Variants in FAM135B observed in about 807,000 individuals in gnomAD.
FAM135B encodes family with sequence similarity 135 member B.
Under a neutral mutation model 127.7 loss-of-function variants are expected in FAM135B, and 43 were observed. The ratio of observed to expected loss-of-function variants is 0.34; its 90% CI spans 0.26 to 0.43. The LOEUF (loss-of-function observed/expected upper bound fraction) is 0.43. FAM135B is among the 20% of genes least tolerant of loss of function. The pLI is 1.00. For missense variants in FAM135B, 1,558 were observed against 1,725.6 expected, an observed-to-expected ratio of 0.90 and a Z score of 1.72; for synonymous variants, 670 against 665.1, an observed-to-expected ratio of 1.01 and a Z score of -0.11.
At chr8:138,250,505 C>T (rs890608524) in intron 6 of FAM135B, among the ~76,000 whole-genome samples, 1 of 152,158 alleles carries the variant, frequency 6.6e-6, no homozygotes, top group African/African-American at 2.4e-5. Flanking sequence ...ATGGGACACA[C>T]ATTAGTGTTC....
chr8:138,357,425 T>C (rs1158628972), intron 2 of FAM135B, among the ~76,000 whole-genome samples: 2 of 152,100 alleles, frequency 1.3e-5, no homozygotes, highest in Admixed American at 6.6e-5. Flanking sequence ...AAACAGAGAG[T>C]AACTTATACA....
intron 7 of FAM135B, among the ~76,000 whole-genome samples, chr8:138,217,304 A>G (rs1275990487): frequency 6.6e-6 from 1 of 152,186 alleles, no homozygotes; most frequent in African/African-American, 2.4e-5. Flanking sequence ...ATAACTGAAA[A>G]AGTTCTTAGC....
chr8:138,426,061 A>ACG (rs1491392534), intron 1 of FAM135B, among the ~76,000 whole-genome samples: 1 of 21,236 alleles, frequency 4.7e-5, no homozygotes. Flanking sequence ...ATATATATAT[A>ACG]CACACACACA....
At chr8:138,306,249 A>T (rs1456481259) in intron 3 of FAM135B, among the ~76,000 whole-genome samples, 1 of 151,978 alleles carries the variant, frequency 6.6e-6, no homozygotes, top group Admixed American at 6.6e-5. Context: ...AGCCTGGCCA[A>T]CATGGTAAAA....
intron 2 of FAM135B, among the ~76,000 whole-genome samples, chr8:138,331,521 A>G (rs1024074280): frequency 2.0e-5 from 3 of 152,190 alleles, no homozygotes; most frequent in Admixed American, 2.0e-4. Context: ...CCGTACAGTA[A>G]AACAGTGGTG....
At chr8:138,254,051 A>C (rs1162149459) in intron 5 of FAM135B, among the ~76,000 whole-genome samples, 3 of 152,154 alleles carry the variant, frequency 2.0e-5, no homozygotes, top group African/African-American at 7.2e-5. Flanking sequence ...CTCACTTCCA[A>C]CTAGGAAGCC....
intron 1 of FAM135B, among the ~76,000 whole-genome samples, chr8:138,369,569 A>G (rs1409899078): frequency 6.6e-6 from 1 of 152,202 alleles, no homozygotes; most frequent in Non-Finnish European, 1.5e-5. Context: ...CAGAATTTCA[A>G]TCTGGCAAAC....
chr8:138,210,530 G>A (rs1348109844), intron 7 of FAM135B, among the ~76,000 whole-genome samples: 1 of 152,160 alleles, frequency 6.6e-6, no homozygotes, highest in African/African-American at 2.4e-5. Context: ...GGTGGAAGGT[G>A]AAGGGGAAGC....
chr8:138,441,260 T>TG (rs1181490755), intron 1 of FAM135B: 1 of 152,262 alleles, frequency 6.6e-6, no homozygotes, highest in Non-Finnish European at 1.5e-5. Context: ...AGTTTGTTTC[T>TG]GGGGTAGCCC....
At chr8:138,156,511 GT>G (rs71316325) in intron 12 of FAM135B, among the ~76,000 whole-genome samples, 50,245 of 151,730 alleles carry the variant, frequency 0.33, 9,206 homozygotes, top group East Asian at 0.53. Flanking sequence ...TCCAGGAGTT[GT>G]TTTTTTGAAA....
intron 3 of FAM135B, among the ~76,000 whole-genome samples, chr8:138,286,270 G>C (rs993670308): frequency 2.6e-5 from 4 of 152,240 alleles, no homozygotes; most frequent in African/African-American, 9.6e-5. Context: ...TTCAGAAGCA[G>C]AGCTCACAAA....
At chr8:138,220,137 A>T (rs142063409) in intron 7 of FAM135B, among the ~76,000 whole-genome samples, 3 of 151,752 alleles carry the variant, frequency 2.0e-5, no homozygotes, top group Admixed American at 2.0e-4. Context: ...AGCATAAGCA[A>T]TCTGGGTCCA....
intron 1 of FAM135B, among the ~76,000 whole-genome samples, chr8:138,465,706 C>A (rs141524321): frequency 6.6e-6 from 1 of 152,220 alleles, no homozygotes; most frequent in African/African-American, 2.4e-5. Context: ...TTGTACCCAG[C>A]CTCCTGCTCA....
At chr8:138,267,175 C>A (rs1338717036) in intron 3 of FAM135B, among the ~76,000 whole-genome samples, 1 of 152,052 alleles carries the variant, frequency 6.6e-6, no homozygotes, top group Non-Finnish European at 1.5e-5. Flanking sequence ...GGGATTAATG[C>A]CCTTATAAAA....
intron 11 of FAM135B, among the ~76,000 whole-genome samples, chr8:138,176,209 G>A (rs778292092): frequency 9.2e-5 from 14 of 152,232 alleles, no homozygotes; most frequent in African/African-American, 2.9e-4. Flanking sequence ...TTGTCTTTGA[G>A]TCTGTCTCCT....
At position 138,157,194 on chromosome 8, in the gene FAM135B, A is replaced by G. The variant is rs571680707; in HGVS notation, c.1259-3978T>C. ...CATACAAACAGAACCAAGGACAAAA[A>G]CCACATGATTATCTCAATAGATGCA... On this transcript the variant is annotated intron_variant, in intron 12 of 19. Transcript: ENST00000395297. 2.2e-4 allele frequency among the ~76,000 whole-genome samples: 34 copies of G among 152,308 alleles called. No individual in the cohort carries two copies. In the East Asian group the frequency reaches 4.1e-3, roughly 18 times the overall value.
chr8:138,228,884 T>C (rs1567694), intron 7 of FAM135B, among the ~76,000 whole-genome samples: 60,515 of 152,056 alleles, frequency 0.4, 12,449 homozygotes, highest in African/African-American at 0.41. Flanking sequence ...CCAGCTACAA[T>C]TTCAGACTGG....
At chr8:138,476,618 C>T (rs933595425) in intron 1 of FAM135B, among the ~76,000 whole-genome samples, 12 of 152,066 alleles carry the variant, frequency 7.9e-5, no homozygotes, top group African/African-American at 1.2e-4. Context: ...AATCAATCTC[C>T]TGCAGAACTC....
At chr8:138,489,286 T>C (rs1815112708) in intron 1 of FAM135B, among the ~76,000 whole-genome samples, 1 of 152,126 alleles carries the variant, frequency 6.6e-6, no homozygotes, top group South Asian at 2.1e-4. Context: ...AGCCAATCCA[T>C]CAGACTAGGT....
Sources: gnomAD v4.1 joint callset for allele counts (sites outside exome capture counted in the v4.1 genomes callset) on GRCh38, gnomAD v4.1.1 for gene constraint, MANE v1.5 for transcripts, NCBI Gene and HGNC (gene_info 2026-07-23, HGNC 2026-07-21) for gene names.